MYO1H: variants seen among roughly 807,000 people sequenced by gnomAD.
MYO1H encodes myosin IH, also known as unconventional myosin-Ih.
A neutral mutation model predicts 149.3 loss-of-function variants in MYO1H; 118 were observed. The observed-to-expected ratio is 0.79, with a 90% CI of 0.68 to 0.92. The LOEUF is 0.92. Among genes scored for constraint, MYO1H ranks in the 40% least tolerant of loss-of-function variants. The probability of loss-of-function intolerance (pLI) is 0.00; values close to 1 mark genes in which losing one functional copy is unlikely to be tolerated. For missense variants in MYO1H, 1,212 were observed against 1,280.7 expected (o/e 0.95, Z 0.82); for synonymous variants, 447 against 465.2 (o/e 0.96, Z 0.50).
exon 7 of MYO1H, chr12:109,404,065 T>G (rs760587761): frequency 6.8e-6 from 11 of 1,613,308 alleles, no homozygotes; most frequent in South Asian, 2.2e-5. Context: ...TTGATTTTAC[T>G]GAAGCTGACC....
At chr12:109,320,623 C>CAA in the MYO1H span, among the ~76,000 whole-genome samples, 60 of 92,680 alleles carry the variant, frequency 6.5e-4, no homozygotes, top group East Asian at 2.6e-3. Flanking sequence ...GAATCTGTCT[C>CAA]AAAAAAAAAA....
intron 1 of MYO1H, among the ~76,000 whole-genome samples, chr12:109,374,143 T>C (rs533230126): frequency 1.6e-4 from 24 of 152,364 alleles, no homozygotes; most frequent in African/African-American, 4.8e-4. Flanking sequence ...ACTTCCGCAG[T>C]TGTACACAGC....
At chr12:109,380,370 G>C (rs374613405) in intron 1 of MYO1H, among the ~76,000 whole-genome samples, 1 of 150,926 alleles carries the variant, frequency 6.6e-6, no homozygotes, top group Non-Finnish European at 1.5e-5. Flanking sequence ...TGACATAAAC[G>C]GTAAAATGAA....
intron 21 of MYO1H, among the ~76,000 whole-genome samples, chr12:109,435,703 CAT>C (rs1871829555): frequency 1.3e-5 from 2 of 152,330 alleles, no homozygotes; most frequent in Admixed American, 6.5e-5. Flanking sequence ...AGGGAGGTGA[CAT>C]AGGTGCTATC....
At chr12:109,315,698 G>C in the MYO1H span, among the ~76,000 whole-genome samples, 1 of 152,224 alleles carries the variant, frequency 6.6e-6, no homozygotes, top group Non-Finnish European at 1.5e-5. Flanking sequence ...AGGGTTTTCA[G>C]TATGCCCCAG....
chr12:109,384,113 A>C lies in MYO1H; in HGVS notation c.13-4570A>C, dbSNP rs552169330. Among the ~76,000 whole-genome samples, 219 of 152,330 alleles carry C rather than the reference A, an allele frequency of 1.4e-3. 1 individual carries two copies. Among genetic ancestry groups the C allele is most frequent in the African/African-American group, 5.1e-3 (211 of 41,570 alleles). On this transcript the variant is annotated intron_variant, in intron 1 of 31. Coordinates refer to ENST00000310903, the Ensembl canonical transcript of MYO1H. ...CGGAAGTTCTGGCAACACAGGCCCTATATTTGTGCCTGATGTCAACCAGCT... is the reference window on the plus strand; with the variant it reads ...CGGAAGTTCTGGCAACACAGGCCCTCTATTTGTGCCTGATGTCAACCAGCT...
intron 2 of MYO1H, 92 bp downstream of exon 2, chr12:109,388,936 T>C: frequency 7.1e-7 from 1 of 1,416,850 alleles, no homozygotes; most frequent in Non-Finnish European, 9.5e-7. Context: ...AGCACTCTAT[T>C]AGGTTAGACA....
At chr12:109,439,059 G>A (rs1871992305) in intron 23 of MYO1H, among the ~76,000 whole-genome samples, 1 of 105,954 alleles carries the variant, frequency 9.4e-6, no homozygotes, top group South Asian at 3.9e-4. Flanking sequence ...TCTGGCTTTT[G>A]GGGTTTTGTT....
At chr12:109,444,434 G>T in exon 30 of MYO1H, 1 of 1,613,618 alleles carries the variant, frequency 6.2e-7, no homozygotes, top group Non-Finnish European at 8.5e-7. Flanking sequence ...CACCCCAGGG[G>T]GATGCCGTTT....
At chr12:109,315,932 C>T in the MYO1H span, among the ~76,000 whole-genome samples, 1 of 152,202 alleles carries the variant, frequency 6.6e-6, no homozygotes, top group Non-Finnish European at 1.5e-5. Context: ...CTATACATCT[C>T]GTTCTGACTT....
At chr12:109,385,844 A>G (rs996891213) in intron 1 of MYO1H, among the ~76,000 whole-genome samples, 3 of 152,188 alleles carry the variant, frequency 2.0e-5, no homozygotes, top group Non-Finnish European at 4.4e-5. Flanking sequence ...TCATACCTCC[A>G]GCCAATCCCT....
At chr12:109,420,956 A>C in intron 15 of MYO1H, 25 bp from the exon 16 acceptor site, 1 of 1,400,378 alleles carries the variant, frequency 7.1e-7, no homozygotes, top group Non-Finnish European at 1.0e-6. Context: ...ATTGATTCAA[A>C]AAATTTTTCT....
chr12:109,433,197 G>A lies in MYO1H; in HGVS notation c.2063+187G>A, dbSNP rs557542969. Reference sequence around the variant, plus strand: ...TCTTTAGAAGAGCTATGGTGCTGCCGGTGGGAGGAAATGAAGTTATAAAGG... The same window carrying A: ...TCTTTAGAAGAGCTATGGTGCTGCCAGTGGGAGGAAATGAAGTTATAAAGG... On this transcript the variant is annotated intron_variant, in intron 20 of 31. Coordinates refer to ENST00000310903, the Ensembl canonical transcript of MYO1H. Among the ~76,000 whole-genome samples the A allele has an allele frequency of 2.0e-4, 30 of 152,270 alleles. 1 individual carries two copies. Among genetic ancestry groups the A allele is most frequent in the Admixed American group, 1.6e-3 (25 of 15,308 alleles).
At chr12:109,410,041 G>C in exon 12 of MYO1H, 4 of 1,536,692 alleles carry the variant, frequency 2.6e-6, no homozygotes, top group Non-Finnish European at 3.5e-6. Context: ...AAGCAGAACA[G>C]GCAGAATATG....
chr12:109,310,720 C>T, the MYO1H span, among the ~76,000 whole-genome samples: 156 of 152,288 alleles, frequency 1.0e-3, no homozygotes, highest in African/African-American at 3.5e-3. Flanking sequence ...GACCTTGGCA[C>T]TGGTCCATGT....
At chr12:109,311,707 C>G in the MYO1H span, among the ~76,000 whole-genome samples, 1 of 152,170 alleles carries the variant, frequency 6.6e-6, no homozygotes, top group African/African-American at 2.4e-5. Flanking sequence ...GCGTCCATAG[C>G]TTCATTACAC....
intron 3 of MYO1H, among the ~76,000 whole-genome samples, chr12:109,394,006 G>C (rs945300085): frequency 6.6e-6 from 1 of 152,212 alleles, no homozygotes; most frequent in African/African-American, 2.4e-5. Flanking sequence ...GGAAGCTTAA[G>C]AGGTGCAAAT....
intron 16 of MYO1H, among the ~76,000 whole-genome samples, chr12:109,423,759 C>T (rs563666832): frequency 2.0e-5 from 3 of 152,288 alleles, no homozygotes; most frequent in South Asian, 2.1e-4. Context: ...ACTTATTTCA[C>T]TTAGCGTGGG....
intron 1 of MYO1H, among the ~76,000 whole-genome samples, chr12:109,371,951 T>C (rs1868991830): frequency 6.6e-6 from 1 of 152,220 alleles, no homozygotes; most frequent in Non-Finnish European, 1.5e-5. Flanking sequence ...AGTTGTATTT[T>C]CTGTGAATTG....
Sources: gnomAD v4.1 joint callset for allele counts (sites outside exome capture counted in the v4.1 genomes callset) on GRCh38, gnomAD v4.1.1 for gene constraint, MANE v1.5 for transcripts, NCBI Gene and HGNC (gene_info 2026-07-23, HGNC 2026-07-21) for gene names.